The following GALNT9 variants were observed in gnomAD, a reference collection of about 807,000 sequenced individuals.
The protein encoded by GALNT9 is polypeptide N-acetylgalactosaminyltransferase 9.
Under a neutral mutation model 63.1 loss-of-function variants are expected in GALNT9, and 47 were observed. That is an observed-to-expected ratio of 0.75 (90% CI 0.59 to 0.95). The LOEUF (loss-of-function observed/expected upper bound fraction) is 0.95, where lower values mean the gene tolerates loss of function less well. Ranked by LOEUF, GALNT9 falls within the 40% of genes least tolerant of loss-of-function variation. The pLI is 0.00. For synonymous variants in GALNT9, 396 were observed against 365.7 expected, an observed-to-expected ratio of 1.08 and a Z score of -0.94; for missense variants, 829 against 874.8, an observed-to-expected ratio of 0.95 and a Z score of 0.66.
At chr12:132,275,491 C>G (rs917740364) in intron 2 of GALNT9, 3 of 152,256 alleles carry the variant, frequency 2.0e-5, no homozygotes, top group Non-Finnish European at 4.4e-5. Flanking sequence ...GACGCTGGCC[C>G]GATGATATCG....
rs141935834 is a variant in GALNT9, at chr12:132,200,088, G to A, written c.1402-819C>T. Among the ~76,000 whole-genome samples the A allele has an allele frequency of 2.2e-3, 329 of 152,258 alleles. 2 individuals are homozygous for A. The highest frequency in any genetic ancestry group is 0.01 in the South Asian group (49 of 4,826). The stretch of plus-strand genomic sequence containing the variant: ...CACAGGGAGGCTGGGGGAGAGGGGC[G>A]GTGCCCCGATGCACACTCAGCACTG... On this transcript the variant is annotated intron_variant, in intron 8 of 10. Transcript: ENST00000328957.
rs1221675552 is a variant in GALNT9, at chr12:132,238,516, G to A, written c.1077+9394C>T. Among the ~76,000 whole-genome samples, 1 of 152,202 alleles carries A rather than the reference G, an allele frequency of 6.6e-6. No homozygotes were observed. The highest frequency in any genetic ancestry group is 1.5e-5 in the Non-Finnish European group (1 of 68,018). ...GTGCCAGAGAGACCACGGTTTTGCA[G>A]ATGCCCAGGACAGGCCAGAGGGCGG... On this transcript the variant is annotated intron_variant, in intron 6 of 10. Transcript: ENST00000328957. This position sits in a 1 kb window ranked among gnomAD's most constrained non-coding sequence, Gnocchi z 6.5.
chr12:132,250,832 A>T (rs1439746329), intron 5 of GALNT9, among the ~76,000 whole-genome samples: 1 of 152,158 alleles, frequency 6.6e-6, no homozygotes, highest in South Asian at 2.1e-4. Flanking sequence ...CCGAGGTAAG[A>T]CGGCGAGGAG....
At chr12:132,208,258 C>G (rs78027370) in intron 6 of GALNT9, among the ~76,000 whole-genome samples, 1 of 152,076 alleles carries the variant, frequency 6.6e-6, no homozygotes, top group Admixed American at 6.5e-5. Flanking sequence ...CTTGGCCCCC[C>G]TCTCAGGGGC....
chr12:132,213,862 A>AGTTGGTGCGC (rs1172273734), intron 6 of GALNT9, among the ~76,000 whole-genome samples: 3 of 152,226 alleles, frequency 2.0e-5, no homozygotes, highest in Non-Finnish European at 4.4e-5. Flanking sequence ...CGACTGCATC[A>AGTTGGTGCGC]GTTGGTGCGC....
In GALNT9 at chr12:132,303,833, GCACACCCTCACCCGGA is replaced by G. The variant is rs1217818858; in HGVS notation, c.239-17419_239-17404del. ...CTCACCCGGGCACACCCTCACCGGG[GCACACCCTCACCCGGA>G]CACACCCTCGCCCAGACACACCCTC... On this transcript the variant is annotated intron_variant, in intron 1 of 10. Transcript: ENST00000328957. Among the ~76,000 whole-genome samples, 2 of 23,310 alleles carry G rather than the reference GCACACCCTCACCCGGA, an allele frequency of 8.6e-5. 1 individual carries two copies. Among genetic ancestry groups the G allele is most frequent in the Non-Finnish European group, 1.4e-4 (2 of 13,902 alleles). The allele number at this position is 23,310 out of a possible 152,430, so 15.3% of individuals were successfully genotyped here. A position where few individuals can be genotyped will look rare whatever the true frequency, so the allele number is the denominator to read the frequency against.
In GALNT9 at chr12:132,306,823, C is replaced by T. The variant is rs192541712; in HGVS notation, c.239-20393G>A. Among the ~76,000 whole-genome samples the T allele has an allele frequency of 2.0e-4, 30 of 152,302 alleles. No individual in the cohort carries two copies. The East Asian group carries it at 4.3e-3, about 22-fold the overall frequency. On this transcript the variant is annotated intron_variant, in intron 1 of 10. Transcript: ENST00000328957. ...AAGATGGCTCACTTCCGCGCACACC[C>T]GCCGCGTGCCCGTGGTCATTCTGCT...
rs1555246797 is a variant in GALNT9, at chr12:132,329,385, C to T, written c.-182G>A. On this transcript the variant is annotated 5_prime_UTR_variant, in exon 1 of 11. The change creates a premature stop within an existing upstream ORF in the 5' untranslated region. Coordinates refer to ENST00000328957, the MANE Select transcript of GALNT9 (RefSeq NM_001122636.2). ...CCGGGCCACGGCCGCCGGGGGTCCC[C>T]CAGAGCGCAGAGGGCTGCCCGGGGC... is the stretch of plus-strand genomic sequence containing the variant. 1.1e-6 allele frequency: 1 copy of T among 926,008 alleles called. No homozygotes were observed. Among genetic ancestry groups the T allele is most frequent in the African/African-American group, 1.8e-5 (1 of 56,850 alleles). 57.4% of individuals were successfully genotyped at this position (926,008 alleles called of 1,614,324 possible).
At chr12:132,251,888 A>C (rs1342057583) in intron 5 of GALNT9, among the ~76,000 whole-genome samples, 2 of 152,122 alleles carry the variant, frequency 1.3e-5, no homozygotes, top group Non-Finnish European at 2.9e-5. Flanking sequence ...ACATGTCCCC[A>C]GGTGTCCTCC....
rs1878695950 is a variant in GALNT9, at chr12:132,246,020, C to T, written c.1077+1890G>A. ...TCCTCGTCTCTGCGGTGCGTTCCAT[C>T]CCTCTGAGGGCCTCGGCTTTCTTAG... On this transcript the variant is annotated intron_variant, in intron 6 of 10. Transcript: ENST00000328957. The surrounding 1 kb of genome is among the most constrained non-coding windows in gnomAD (Gnocchi z 4.7). 6.6e-6 allele frequency among the ~76,000 whole-genome samples: 1 copy of T among 152,248 alleles called. No homozygotes were observed. Among genetic ancestry groups the T allele is most frequent in the African/African-American group, 2.4e-5 (1 of 41,468 alleles).
chr12:132,199,862 G>A (rs1374578604), intron 8 of GALNT9, among the ~76,000 whole-genome samples: 1 of 151,824 alleles, frequency 6.6e-6, no homozygotes, highest in Admixed American at 6.6e-5. Flanking sequence ...AAGTGTAGAT[G>A]CTTATTGCTT....
At chr12:132,274,765 A>ACAC (rs1880012270) in intron 2 of GALNT9, 1 of 152,304 alleles carries the variant, frequency 6.6e-6, no homozygotes, top group South Asian at 2.1e-4. Flanking sequence ...AGCACCACAC[A>ACAC]CACATGCACA....
At chr12:132,262,398 A>G (rs1353904500) in intron 3 of GALNT9, 61 bp downstream of exon 3, 2 of 1,508,954 alleles carry the variant, frequency 1.3e-6, no homozygotes, top group Non-Finnish European at 1.8e-6. Flanking sequence ...ACCCAACCCC[A>G]ACTCAACCCA....
chr12:132,248,063 A>C, intron 5 of GALNT9, 36 bp from the exon 6 acceptor site: 1 of 1,530,322 alleles, frequency 6.5e-7, no homozygotes, highest in Non-Finnish European at 8.8e-7. Flanking sequence ...GGACCTCGCC[A>C]TGCAGGCCTG....
In GALNT9 at chr12:132,286,340, G is replaced by A. The variant is rs937376221; in HGVS notation, c.329C>T (p.Ala110Val). The change falls in exon 2 of 11, where the codon GCG becomes GTG. Residue 110 changes from alanine to valine, a missense_variant. By Grantham distance (64) the Ala-to-Val change is moderately conservative (BLOSUM62 0). Transcript: ENST00000328957. This position sits in a 1 kb window ranked among gnomAD's most constrained non-coding sequence, Gnocchi z 7.4. ...GCCGTACTCCTCATACTTGCCTTCC[G>A]CCTCCTGGCCGTCATCACGCAGGGT... ...AATLRDDGQE[A>V]EGKYEEYGYN... 3.9e-5 allele frequency: 60 copies of A among 1,550,914 alleles called. No homozygotes were observed. The highest frequency in any genetic ancestry group is 9.8e-5 in the Admixed American group (5 of 50,980).
chr12:132,295,812 A>G (rs937602110), intron 1 of GALNT9, among the ~76,000 whole-genome samples: 2 of 151,270 alleles, frequency 1.3e-5, no homozygotes, highest in Non-Finnish European at 3.0e-5. Flanking sequence ...CGGCCTCCGG[A>G]ACAGGGAGAG....
chr12:132,260,694 G>A (rs1220965076), intron 4 of GALNT9, among the ~76,000 whole-genome samples: 4 of 152,240 alleles, frequency 2.6e-5, no homozygotes, highest in Non-Finnish European at 4.4e-5. Flanking sequence ...GCTTCTAAGC[G>A]CCATGTCCTT....
In GALNT9 at chr12:132,238,619, C is replaced by T. The variant is rs1457925948; in HGVS notation, c.1077+9291G>A. ...GACCTGCACCTGGGCCAGTGGAAGG[C>T]GAAGGTGGGCAGGCCTGAGTGTGAG... On this transcript the variant is annotated intron_variant, in intron 6 of 10. Coordinates refer to ENST00000328957, the MANE Select transcript of GALNT9 (RefSeq NM_001122636.2). This position sits in a 1 kb window ranked among gnomAD's most constrained non-coding sequence, Gnocchi z 6.5. Among the ~76,000 whole-genome samples, 9 of 152,082 alleles carry T rather than the reference C, an allele frequency of 5.9e-5. No homozygotes were observed. Among genetic ancestry groups the T allele is most frequent in the Admixed American group, 1.3e-4 (2 of 15,282 alleles).
chr12:132,297,067 G>A (rs1440835592), intron 1 of GALNT9, among the ~76,000 whole-genome samples: 8 of 123,198 alleles, frequency 6.5e-5, no homozygotes, highest in East Asian at 4.1e-4. Flanking sequence ...AACTCACTCC[G>A]AAGATGACCA....
Sources: allele counts gnomAD v4.1 joint callset (sites outside exome capture counted in the v4.1 genomes callset), GRCh38; gene constraint gnomAD v4.1.1; non-coding constraint Gnocchi (gnomAD v3.1); transcripts MANE v1.5; gene names NCBI Gene and HGNC (gene_info 2026-07-23, HGNC 2026-07-21).